The following SORCS3 variants were observed in gnomAD, a reference collection of about 807,000 sequenced individuals.
SORCS3 encodes sortilin related VPS10 domain containing receptor 3.
In SORCS3, 57 loss-of-function variants were observed where a neutral mutation model predicts 146.3. The observed-to-expected ratio is 0.39, with a 90% CI of 0.31 to 0.49. The LOEUF is 0.49. Ranked by LOEUF, SORCS3 falls within the 20% of genes least tolerant of loss-of-function variation. The pLI is 0.92. For missense variants in SORCS3, 1,341 were observed against 1,575.5 expected (o/e 0.85, Z 2.52); for synonymous variants, 653 against 618.5 (o/e 1.06, Z -0.83).
chr10:105,036,073 G>C (rs183661329), intron 4 of SORCS3, among the ~76,000 whole-genome samples: 1 of 152,114 alleles, frequency 6.6e-6, no homozygotes, highest in Admixed American at 6.5e-5. Context: ...GTGGCACTTA[G>C]ACCAATGCAC....
intron 1 of SORCS3, among the ~76,000 whole-genome samples, chr10:104,841,325 C>T (rs1233579385): frequency 6.6e-6 from 1 of 152,130 alleles, no homozygotes; most frequent in Non-Finnish European, 1.5e-5. Flanking sequence ...TACAAATAGC[C>T]ATGCCACTGG....
At chr10:105,031,762 C>A (rs554902154) in intron 4 of SORCS3, among the ~76,000 whole-genome samples, 2 of 152,250 alleles carry the variant, frequency 1.3e-5, no homozygotes, top group Non-Finnish European at 2.9e-5. Flanking sequence ...TCCTCCCAAC[C>A]TTTGCCTGCA....
chr10:105,100,852 T>A (rs1296083725), intron 6 of SORCS3, among the ~76,000 whole-genome samples: 1 of 152,250 alleles, frequency 6.6e-6, no homozygotes, highest in Non-Finnish European at 1.5e-5. Flanking sequence ...GTATCCACAA[T>A]GTGCTAAACA....
intron 5 of SORCS3, among the ~76,000 whole-genome samples, chr10:105,053,552 A>G (rs984795775): frequency 6.6e-6 from 1 of 152,044 alleles, no homozygotes; most frequent in Non-Finnish European, 1.5e-5. Context: ...CCTCTTAAAA[A>G]ATCAAGTACG....
chr10:105,182,604 A>G (rs1589676957), intron 14 of SORCS3, among the ~76,000 whole-genome samples: 2 of 152,286 alleles, frequency 1.3e-5, no homozygotes, highest in East Asian at 3.9e-4. Context: ...GTTAATTCAC[A>G]ATCCATTTGA....
chr10:104,737,523 T>C (rs1344513071), intron 1 of SORCS3, among the ~76,000 whole-genome samples: 1 of 152,180 alleles, frequency 6.6e-6, no homozygotes, highest in East Asian at 1.9e-4. Context: ...ATTTCTCTGA[T>C]GGCCAGTGAT....
intron 1 of SORCS3, among the ~76,000 whole-genome samples, chr10:104,747,901 C>T (rs2016929691): frequency 6.6e-6 from 1 of 152,224 alleles, no homozygotes; most frequent in Non-Finnish European, 1.5e-5. Context: ...TAACCCCTTG[C>T]TAGCCATGAA....
chr10:104,873,188 G>A (rs1031387085), intron 2 of SORCS3, among the ~76,000 whole-genome samples: 3 of 152,238 alleles, frequency 2.0e-5, no homozygotes, highest in South Asian at 2.1e-4. Flanking sequence ...CATAGCAAGG[G>A]TTTCTGATGC....
intron 1 of SORCS3, among the ~76,000 whole-genome samples, chr10:104,742,399 G>A (rs988798564): frequency 6.6e-6 from 1 of 152,224 alleles, no homozygotes; most frequent in Non-Finnish European, 1.5e-5. Flanking sequence ...TCTGAGAAGT[G>A]TGACCAGCCT....
At chr10:104,762,037 C>A (rs1004008895) in intron 1 of SORCS3, among the ~76,000 whole-genome samples, 1 of 152,170 alleles carries the variant, frequency 6.6e-6, no homozygotes, top group Non-Finnish European at 1.5e-5. Context: ...CACAAGAATC[C>A]TTCTCTTAAG....
intron 3 of SORCS3, among the ~76,000 whole-genome samples, chr10:104,947,199 G>A (rs1020877195): frequency 3.9e-5 from 6 of 152,072 alleles, no homozygotes; most frequent in African/African-American, 1.4e-4. Context: ...TTCCAGGAGG[G>A]AATGTGATTG....
chr10:105,045,938 T>G (rs2055369050), intron 5 of SORCS3, among the ~76,000 whole-genome samples: 1 of 152,138 alleles, frequency 6.6e-6, no homozygotes, highest in Admixed American at 6.6e-5. Flanking sequence ...CATGGGCATG[T>G]GATAACAACT....
At chr10:104,964,802 G>A (rs1044132802) in intron 3 of SORCS3, among the ~76,000 whole-genome samples, 1 of 151,806 alleles carries the variant, frequency 6.6e-6, no homozygotes, top group Non-Finnish European at 1.5e-5. Context: ...ATTGTTTTAC[G>A]ACCAATCTCC....
At chr10:105,115,517 T>A (rs1157959761) in intron 7 of SORCS3, among the ~76,000 whole-genome samples, 2 of 152,216 alleles carry the variant, frequency 1.3e-5, no homozygotes, top group Admixed American at 6.5e-5. Context: ...CATATGTGCA[T>A]GATAAAAGCT....
chr10:104,787,043 A>C (rs1407828079), intron 1 of SORCS3, among the ~76,000 whole-genome samples: 1 of 152,212 alleles, frequency 6.6e-6, no homozygotes, highest in Non-Finnish European at 1.5e-5. Context: ...AAACCAACAG[A>C]GCAGCACAGT....
At chr10:104,762,416 C>T (rs138192848) in intron 1 of SORCS3, among the ~76,000 whole-genome samples, 152 of 152,300 alleles carry the variant, frequency 1.0e-3, no homozygotes, top group East Asian at 2.7e-3. Flanking sequence ...TTTTCTCCAA[C>T]GATGCCAGCT....
At chr10:104,650,870 A>G (rs971958092) in intron 1 of SORCS3, among the ~76,000 whole-genome samples, 6 of 152,144 alleles carry the variant, frequency 3.9e-5, no homozygotes, top group African/African-American at 1.4e-4. Flanking sequence ...TTTGACATCT[A>G]TGGTGAGGTA....
rs371064180 is a variant in SORCS3 at position 105,245,585 on chromosome 10, C to A, written c.2912C>A (p.Ala971Glu). Reference protein sequence around the residue: ...LDSSISFTFLAEGTDTITVQV... With the variant: ...LDSSISFTFLEEGTDTITVQV... ...AGCAGCATTTCCTTCACATTCCTTGCAGAAGGAACCGACACCATCACAGTC... is the reference window on the plus strand; with the variant it reads ...AGCAGCATTTCCTTCACATTCCTTGAAGAAGGAACCGACACCATCACAGTC... Residue 971 changes from alanine (A) to glutamate (E), a missense_variant, in exon 21 of 27, where the codon GCA becomes GAA. Physicochemically the swap from Ala to Glu is moderately radical, Grantham distance 107. Transcript: ENST00000369701. 3 of 1,613,992 alleles carry A rather than the reference C, an allele frequency of 1.9e-6. No individual in the cohort carries two copies. In the African/African-American group the frequency reaches 4.0e-5, roughly 22 times the overall value.
chr10:105,157,120 T>A lies in SORCS3; in HGVS notation c.1483-18T>A. ...TGTTGGCCCAGCATGGTTCTCCATC[T>A]CTCACCTTTTTTCCTAGGTAGCAGG... On this transcript the variant is annotated intron_variant, in intron 9 of 26. Coordinates refer to ENST00000369701, the MANE Select transcript of SORCS3 (RefSeq NM_014978.3). 6.2e-7 allele frequency: 1 copy of A among 1,613,478 alleles called. No individual in the cohort carries two copies.
Sources: gnomAD v4.1 joint callset for allele counts (sites outside exome capture counted in the v4.1 genomes callset) on GRCh38, gnomAD v4.1.1 for gene constraint, MANE v1.5 for transcripts, NCBI Gene and HGNC (gene_info 2026-07-23, HGNC 2026-07-21) for gene names.